Variants in TRPM5 observed in about 807,000 individuals in gnomAD.
TRPM5 encodes MLSN1 and TRP-related.
Under a neutral mutation model 124.9 loss-of-function variants are expected in TRPM5, and 121 were observed. The observed-to-expected ratio is 0.97, with a 90% CI of 0.84 to 1.13. The LOEUF is 1.13. Ranked by LOEUF, TRPM5 falls within the 50% of genes most tolerant of loss-of-function variation. The probability of loss-of-function intolerance (pLI) is 0.00; values close to 1 mark genes in which losing one functional copy is unlikely to be tolerated. For missense variants in TRPM5, 1,643 were observed against 1,589.1 expected (o/e 1.03, Z -0.58); for synonymous variants, 781 against 700.5 (o/e 1.11, Z -1.81).
At chr11:2,404,401 CAGG>C (rs1475240061), downstream of TRPM5, 2 of 153,644 alleles carry the variant, frequency 1.3e-5, no homozygotes, top group Non-Finnish European at 2.9e-5. Context: ...CATCGGGTGT[CAGG>C]GGGACAGCTG....
chr11:2,414,031 C>T, intron 12 of TRPM5, 30 bp downstream of exon 17: 1 of 1,531,988 alleles, frequency 6.5e-7, no homozygotes, highest in Non-Finnish European at 8.8e-7. Context: ...CACCCCCTGG[C>T]AGCTCTCCTC....
At chr11:2,406,118 G>A (rs1372300503) in intron 21 of TRPM5, 27 bp from the exon 27 acceptor site, 3 of 1,609,462 alleles carry the variant, frequency 1.9e-6, no homozygotes, top group Non-Finnish European at 2.5e-6. Flanking sequence ...TGGTCAGGCT[G>A]TGGATGGCCA....
chr11:2,412,942 G>C, exon 15 of TRPM5: 1 of 1,604,288 alleles, frequency 6.2e-7, no homozygotes, highest in Non-Finnish European at 8.5e-7. Context: ...TTCCGCCAGC[G>C]TGTGAGCAGG....
intron 11 of TRPM5, 152 bp from the exon 17 acceptor site, chr11:2,414,358 C>A (rs1014268087): frequency 1.7e-6 from 2 of 1,185,298 alleles, no homozygotes; most frequent in Non-Finnish European, 2.3e-6. Context: ...CCCCCTCCGG[C>A]CTGCTCCGGG....
chr11:2,411,591 T>G, intron 17 of TRPM5, 44 bp downstream of exon 22: 2 of 1,610,004 alleles, frequency 1.2e-6, no homozygotes, highest in Non-Finnish European at 1.7e-6. Context: ...AGGCAGGGGA[T>G]TGCTGTCCCT....
chr11:2,441,256 G>A, the TRPM5 span, among the ~76,000 whole-genome samples: 1 of 152,296 alleles, frequency 6.6e-6, no homozygotes, highest in East Asian at 1.9e-4. The surrounding 1 kb of genome is among the most constrained non-coding windows in gnomAD (Gnocchi z 7.2). Context: ...AGAGCAGGTG[G>A]CAGCTGGGAG....
At chr11:2,405,703 TC>T in intron 22 of TRPM5, 110 bp from the exon 28 acceptor site, 1 of 1,222,994 alleles carries the variant, frequency 8.2e-7, no homozygotes, top group Non-Finnish European at 1.2e-6. Context: ...GCCCTGTGAC[TC>T]CTCCCTCTGA....
In TRPM5 at chr11:2,420,081, C is replaced by T. The variant is rs1157640130; in HGVS notation, c.649+141G>A. 15 of 344,968 alleles carry T rather than the reference C, an allele frequency of 4.3e-5. 4 individuals are homozygous for T. The South Asian group carries it at 6.4e-4, about 15-fold the overall frequency. The allele number at this position is 344,968 out of a possible 1,614,324, so 21.4% of individuals were successfully genotyped here. Reference sequence around the variant, plus strand: ...GCCCAGGCCCCCACGGCCCAGGTCTCGGTGCTCAGGCATGCGGGGTGCGTT... The same window carrying T: ...GCCCAGGCCCCCACGGCCCAGGTCTTGGTGCTCAGGCATGCGGGGTGCGTT... On this transcript the variant is annotated intron_variant, in intron 4 of 23. Coordinates refer to ENST00000155858, the Ensembl canonical transcript of TRPM5.
rs1371691976 is a variant in TRPM5 at position 2,414,138 on chromosome 11, A to C, written c.1813T>G (p.Cys605Gly). 4 of 1,607,064 alleles carry C rather than the reference A, an allele frequency of 2.5e-6. No homozygotes were observed. The African/African-American group carries it at 5.3e-5, about 21-fold the overall frequency. Residue 605 changes from cysteine to glycine, a missense_variant, in exon 12 of 24, where the codon TGC becomes GGC. Transcript: ENST00000155858. ...TGCAGGCAGGTGGTCTTGCTCCAGC[A>C]GCGGTTCCGGCGCACCAGCAGGGCG...
In TRPM5 at chr11:2,406,037, G is replaced by C. The variant is rs749757438; in HGVS notation, c.3306C>G (p.Ile1102Met). The change falls in exon 22 of 24, where the codon ATC (isoleucine) becomes ATG (methionine). Residue 1102 changes from isoleucine (I) to methionine (M), a missense_variant. Coordinates refer to ENST00000155858, the Ensembl canonical transcript of TRPM5. ...CGCTTGCCTGTGACTCCAGACACTT[G>C]ATGCGCTTTTCTTGCTCTCTCAGAC... The C allele has an allele frequency of 1.9e-6, 3 of 1,612,108 alleles. No individual in the cohort carries two copies. In the East Asian group the frequency reaches 6.7e-5, roughly 36 times the overall value.
intron 7 of TRPM5, among the ~76,000 whole-genome samples, chr11:2,416,967 C>T (rs558575190): frequency 1.2e-4 from 18 of 152,294 alleles, no homozygotes; most frequent in African/African-American, 3.9e-4. Context: ...CAAACCCTCC[C>T]GCTGCCTGCA....
Position 2,418,138 on chromosome 11 carries a change from G to C in TRPM5, c.906+29C>G, listed in dbSNP as rs139332433. 5,919 of 1,515,272 alleles carry C rather than the reference G, an allele frequency of 3.9e-3. 310 individuals are homozygous for C. The Admixed American group carries it at 0.09, about 23-fold the overall frequency. 93.9% of individuals were successfully genotyped at this position (1,515,272 alleles called of 1,614,324 possible). A position where few individuals can be genotyped will look rare whatever the true frequency, so the allele number is the denominator to read the frequency against. ...CAGCCCCACCCCCGGAGGAGGGGTC[G>C]GGAGGACAGGGGAGGGGGCAGCACA... On this transcript the variant is annotated intron_variant, in intron 6 of 23. Coordinates refer to ENST00000155858, the Ensembl canonical transcript of TRPM5.
chr11:2,410,096 G>A (rs556685847), intron 18 of TRPM5, among the ~76,000 whole-genome samples: 2 of 152,356 alleles, frequency 1.3e-5, no homozygotes, highest in African/African-American at 4.8e-5. Context: ...TGAGGGCGAG[G>A]TGGGGTCGCA....
chr11:2,420,162 C>A (rs372902285), intron 4 of TRPM5, 60 bp downstream of exon 9: 4 of 1,526,210 alleles, frequency 2.6e-6, no homozygotes, highest in Non-Finnish European at 3.5e-6. Flanking sequence ...CTCCCACAGG[C>A]GGGTCCCTGG....
chr11:2,421,260 A>G, intron 2 of TRPM5, 62 bp from the exon 8 acceptor site: 1 of 1,502,890 alleles, frequency 6.7e-7, no homozygotes, highest in Non-Finnish European at 8.8e-7. Context: ...AGCTGGCCCC[A>G]CGCCCTAACC....
At chr11:2,414,009 G>GGGGGGGGCCCCCCCCCCCC in intron 12 of TRPM5, 52 bp downstream of exon 17, 18 of 1,023,698 alleles carry the variant, frequency 1.8e-5, no homozygotes, top group East Asian at 2.8e-5. Context: ...GGCCCAGCTC[G>GGGGGGGGCCCCCCCCCCCC]CCCGCCCACC....
chr11:2,408,735 C>T (rs1023371264), intron 18 of TRPM5, among the ~76,000 whole-genome samples: 1 of 152,224 alleles, frequency 6.6e-6, no homozygotes, highest in African/African-American at 2.4e-5. Flanking sequence ...GAAGGAGCCG[C>T]AGTGGGCGTC....
At chr11:2,436,205 C>T in the TRPM5 span, among the ~76,000 whole-genome samples, 1 of 152,254 alleles carries the variant, frequency 6.6e-6, no homozygotes, top group Admixed American at 6.5e-5. Context: ...TTGCCCAAAC[C>T]CTGCCAGCCT....
rs141995380 is a variant in TRPM5 at position 2,415,028 on chromosome 11, C to T, written c.1499G>A (p.Arg500Gln). ...CAGCAGCCACTTCTGGCCCGTGGGCCGCTTGGCCGGGCCCTTCTCCTGGAG... is the reference window on the plus strand; with the variant it reads ...CAGCAGCCACTTCTGGCCCGTGGGCTGCTTGGCCGGGCCCTTCTCCTGGAG... The change falls in exon 10 of 24, where the codon CGG becomes CAG. Residue 500 changes from arginine (R) to glutamine (Q), a missense_variant. Coordinates refer to ENST00000155858, the Ensembl canonical transcript of TRPM5. 3.4e-4 allele frequency: 541 copies of T among 1,602,748 alleles called. 1 individual carries two copies. In the African/African-American group the frequency reaches 5.4e-3, roughly 16 times the overall value.
Sources: allele counts gnomAD v4.1 joint callset (sites outside exome capture counted in the v4.1 genomes callset), GRCh38; gene constraint gnomAD v4.1.1; non-coding constraint Gnocchi (gnomAD v3.1); transcripts MANE v1.5; gene names NCBI Gene and HGNC (gene_info 2026-07-23, HGNC 2026-07-21).